The following FER variants were observed in gnomAD, a reference collection of about 807,000 sequenced individuals.
FER encodes FER tyrosine kinase.
FER carries 63 observed loss-of-function variants against 111.0 expected under a neutral mutation model. The observed-to-expected ratio is 0.57, with a 90% CI of 0.46 to 0.70. FER has a LOEUF of 0.70. Among genes scored for constraint, FER ranks in the 30% least tolerant of loss-of-function variants. FER has a pLI of 0.00. For missense variants in FER, 914 were observed against 954.0 expected (o/e 0.96, Z 0.55); for synonymous variants, 327 against 313.9 (o/e 1.04, Z -0.44).
At chr5:108,910,438 A>G (rs1021583785) in intron 10 of FER, among the ~76,000 whole-genome samples, 6 of 152,052 alleles carry the variant, frequency 3.9e-5, no homozygotes, top group African/African-American at 2.4e-5. Flanking sequence ...TAATTTCCCT[A>G]TTCTTTGGAA....
At chr5:108,944,132 C>T (rs1419121809) in intron 10 of FER, among the ~76,000 whole-genome samples, 1 of 151,956 alleles carries the variant, frequency 6.6e-6, no homozygotes, top group Non-Finnish European at 1.5e-5. Flanking sequence ...CACACACACA[C>T]ACACACACAA....
At chr5:109,159,526 G>T (rs922962825) in intron 17 of FER, among the ~76,000 whole-genome samples, 2 of 152,108 alleles carry the variant, frequency 1.3e-5, no homozygotes, top group East Asian at 3.8e-4. Context: ...TTATTAGAGA[G>T]ACAATACATG....
intron 17 of FER, among the ~76,000 whole-genome samples, chr5:109,171,135 G>C (rs1757054031): frequency 6.6e-6 from 1 of 152,128 alleles, no homozygotes. Flanking sequence ...ATTCTTAGTA[G>C]CTTTTCATCA....
chr5:109,184,388 GA>G (rs1462992416), intron 18 of FER, among the ~76,000 whole-genome samples: 1 of 152,092 alleles, frequency 6.6e-6, no homozygotes, highest in Non-Finnish European at 1.5e-5. Flanking sequence ...GTGAGACATA[GA>G]AAAGTAGCCA....
intron 17 of FER, among the ~76,000 whole-genome samples, chr5:109,155,303 G>T (rs192602293): frequency 3.0e-4 from 46 of 151,962 alleles, no homozygotes; most frequent in Non-Finnish European, 6.0e-4. Context: ...ATGAGCTGAG[G>T]TCATTGAAAA....
chr5:108,904,657 T>C (rs1445632297), intron 10 of FER, among the ~76,000 whole-genome samples: 1 of 152,198 alleles, frequency 6.6e-6, no homozygotes, highest in Non-Finnish European at 1.5e-5. Context: ...TGTAAATACA[T>C]CTTCAGTGAA....
At chr5:108,777,448 G>GTAGTT (rs1332748511) in intron 2 of FER, among the ~76,000 whole-genome samples, 1 of 152,130 alleles carries the variant, frequency 6.6e-6, no homozygotes, top group Non-Finnish European at 1.5e-5. Flanking sequence ...CCCAAAGACT[G>GTAGTT]TAGTTTACAT....
chr5:109,071,068 A>G (rs1370679414), intron 16 of FER, among the ~76,000 whole-genome samples: 1 of 152,038 alleles, frequency 6.6e-6, no homozygotes, highest in East Asian at 1.9e-4. Flanking sequence ...TCTTCTATTA[A>G]TGAGAATATC....
chr5:108,927,411 C>T (rs1478618713), intron 10 of FER, among the ~76,000 whole-genome samples: 1 of 151,866 alleles, frequency 6.6e-6, no homozygotes, highest in African/African-American at 2.4e-5. Flanking sequence ...CAGGCGCCCG[C>T]CACCGCGCCC....
chr5:108,984,224 T>G (rs1038227404), intron 13 of FER, among the ~76,000 whole-genome samples: 1 of 152,104 alleles, frequency 6.6e-6, no homozygotes, highest in African/African-American at 2.4e-5. Flanking sequence ...TTCTTAAAAT[T>G]CTCTTTATGG....
intron 2 of FER, among the ~76,000 whole-genome samples, chr5:108,789,614 CTT>C (rs397757201): frequency 6.8e-6 from 1 of 146,536 alleles, no homozygotes; most frequent in Non-Finnish European, 1.5e-5. Context: ...TCTTCTTCTT[CTT>C]TTTTTTTTTT....
rs567241780 is a variant in FER, at chr5:109,190,739, C to G, written c.*3164C>G. 2 of 152,106 alleles carry G rather than the reference C, an allele frequency of 1.3e-5. No homozygotes were observed. Among genetic ancestry groups the G allele is most frequent in the Non-Finnish European group, 2.9e-5 (2 of 67,984 alleles). 9.4% of individuals were successfully genotyped at this position (152,106 alleles called of 1,614,324 possible). On this transcript the variant is annotated 3_prime_UTR_variant, in exon 20 of 20. Coordinates refer to ENST00000281092, the MANE Select transcript of FER (RefSeq NM_005246.4). ...AGTGAAAGGTCTCATGTAATTGTTT[C>G]TCTTTTATCTCCCAAATTTAATGTG...
At chr5:108,817,686 G>T (rs1758423852) in intron 3 of FER, among the ~76,000 whole-genome samples, 1 of 152,120 alleles carries the variant, frequency 6.6e-6, no homozygotes, top group Non-Finnish European at 1.5e-5. Context: ...AATAAACTCA[G>T]AGCACTTAAA....
intron 13 of FER, among the ~76,000 whole-genome samples, chr5:108,996,668 G>C (rs1001888043): frequency 2.6e-5 from 4 of 152,170 alleles, no homozygotes; most frequent in Admixed American, 6.5e-5. Context: ...CTGTAGCCTT[G>C]TGGTATAGTT....
chr5:108,835,246 ATCTTGGC>A (rs1200086757), intron 4 of FER, among the ~76,000 whole-genome samples: 1 of 113,900 alleles, frequency 8.8e-6, no homozygotes, highest in South Asian at 3.1e-4. Context: ...CAGTGGTGTG[ATCTTGGC>A]TCATTGCAAC....
chr5:109,184,850 T>C (rs1758687195), intron 18 of FER, among the ~76,000 whole-genome samples: 1 of 152,076 alleles, frequency 6.6e-6, no homozygotes, highest in Admixed American at 6.5e-5. Context: ...ACTAAGTACT[T>C]TTTTTTCTTT....
intron 17 of FER, among the ~76,000 whole-genome samples, chr5:109,114,552 G>T (rs1270261419): frequency 6.6e-6 from 1 of 151,892 alleles, no homozygotes; most frequent in South Asian, 2.1e-4. Flanking sequence ...TTTTCTTCAG[G>T]GCCAAATACT....
At chr5:109,170,379 T>G (rs1253257960) in intron 17 of FER, among the ~76,000 whole-genome samples, 2 of 152,076 alleles carry the variant, frequency 1.3e-5, no homozygotes, top group Admixed American at 6.6e-5. Flanking sequence ...TTTATCAAGA[T>G]AAAATGAATA....
At chr5:108,960,178 G>A (rs1758955336) in intron 13 of FER, among the ~76,000 whole-genome samples, 1 of 152,232 alleles carries the variant, frequency 6.6e-6, no homozygotes, top group African/African-American at 2.4e-5. Flanking sequence ...CTTTTAATTT[G>A]AAGTAAGTGC....
Sources: gnomAD v4.1 joint callset for allele counts (sites outside exome capture counted in the v4.1 genomes callset) on GRCh38, gnomAD v4.1.1 for gene constraint, MANE v1.5 for transcripts, NCBI Gene and HGNC (gene_info 2026-07-23, HGNC 2026-07-21) for gene names.